Variants in PLEKHA5 observed in about 807,000 individuals in gnomAD.
PLEKHA5 encodes the protein pleckstrin homology domain-containing family A member 5.
In PLEKHA5, 55 loss-of-function variants were observed where a neutral mutation model predicts 181.9. That is an observed-to-expected ratio of 0.30 (90% CI 0.24 to 0.38). The LOEUF (loss-of-function observed/expected upper bound fraction) is 0.38, where lower values mean the gene tolerates loss of function less well. PLEKHA5 is among the 10% of genes least tolerant of loss of function. The pLI, the probability that PLEKHA5 is intolerant of heterozygous loss-of-function variation, is 1.00. For missense variants in PLEKHA5, 1,432 were observed against 1,549.5 expected (o/e 0.92, Z 1.27); for synonymous variants, 535 against 529.4 (o/e 1.01, Z -0.15).
intron 3 of PLEKHA5, among the ~76,000 whole-genome samples, chr12:19,169,795 T>C (rs2045467267): frequency 6.6e-6 from 1 of 152,192 alleles, no homozygotes; most frequent in Admixed American, 6.5e-5. Flanking sequence ...CACAGTCTCT[T>C]GGACTTGGAT....
chr12:19,205,177 G>A (rs907182751), intron 3 of PLEKHA5: 1 of 152,954 alleles, frequency 6.5e-6, no homozygotes, highest in African/African-American at 2.4e-5. Context: ...TATTAAATTT[G>A]CAGCTTTCTC....
intron 21 of PLEKHA5, among the ~76,000 whole-genome samples, chr12:19,339,263 A>G (rs1170277860): frequency 6.6e-6 from 1 of 151,956 alleles, no homozygotes; most frequent in Non-Finnish European, 1.5e-5. Context: ...CTGGTCTTGA[A>G]CACCTGACCT....
At chr12:19,367,765 T>C (rs2095471706) in intron 30 of PLEKHA5, among the ~76,000 whole-genome samples, 1 of 151,500 alleles carries the variant, frequency 6.6e-6, no homozygotes, top group Non-Finnish European at 1.5e-5. Context: ...ATTTTTTTTT[T>C]TTTTAGTAGA....
At chr12:19,333,044 A>G (rs1013262626) in intron 20 of PLEKHA5, among the ~76,000 whole-genome samples, 1 of 152,192 alleles carries the variant, frequency 6.6e-6, no homozygotes, top group Non-Finnish European at 1.5e-5. Flanking sequence ...GATTGAAAGA[A>G]TCCATTCAGG....
intron 31 of PLEKHA5, chr12:19,372,395 G>GTTTTTTTTTTTTT (rs34877323): frequency 1.4e-5 from 2 of 139,224 alleles, no homozygotes; most frequent in Admixed American, 7.3e-5. Flanking sequence ...GGGATTATTT[G>GTTTTTTTTTTTTT]TTTTTGTTTT....
At chr12:19,151,354 G>A (rs943228992) in intron 3 of PLEKHA5, 1 of 152,188 alleles carries the variant, frequency 6.6e-6, no homozygotes, top group African/African-American at 2.4e-5. Flanking sequence ...TAGGGTTAAT[G>A]CCAGGTCAGT....
At chr12:19,143,078 C>T (rs1414460488) in intron 3 of PLEKHA5, among the ~76,000 whole-genome samples, 2 of 152,146 alleles carry the variant, frequency 1.3e-5, no homozygotes, top group Non-Finnish European at 2.9e-5. Context: ...AGTAATGCTG[C>T]AGTGAACATG....
chr12:19,376,341 G>T lies in PLEKHA5; in HGVS notation c.*822G>T, dbSNP rs1341739010. The stretch of plus-strand genomic sequence containing the variant: ...AAAGGCTACTTACTATTGTTTAAAT[G>T]CAAATGTTCATATCTCATTTCTTTT... On this transcript the variant is annotated 3_prime_UTR_variant, in exon 32 of 32. Coordinates refer to ENST00000429027, the MANE Select transcript of PLEKHA5 (RefSeq NM_001256470.2). 1 of 152,486 alleles carries T rather than the reference G, an allele frequency of 6.6e-6. No individual in the cohort carries two copies. Among genetic ancestry groups the T allele is most frequent in the Non-Finnish European group, 1.5e-5 (1 of 68,012 alleles). The allele number at this position is 152,486 out of a possible 1,614,324, so 9.4% of individuals were successfully genotyped here.
At chr12:19,297,348 C>A (rs1174271727) in intron 15 of PLEKHA5, among the ~76,000 whole-genome samples, 2 of 151,428 alleles carry the variant, frequency 1.3e-5, no homozygotes, top group South Asian at 2.1e-4. Context: ...ACAGGCCGGG[C>A]GCGGTGGCTC....
At chr12:19,200,461 T>A in intron 3 of PLEKHA5, 1 of 1,427,200 alleles carries the variant, frequency 7.0e-7, no homozygotes, top group Non-Finnish European at 9.1e-7. Flanking sequence ...CTAAACTGAT[T>A]GTCTTCGTTA....
intron 16 of PLEKHA5, among the ~76,000 whole-genome samples, chr12:19,316,642 C>G (rs2088875627): frequency 2.6e-5 from 4 of 152,148 alleles, no homozygotes; most frequent in Admixed American, 2.0e-4. Flanking sequence ...AGTGTTAACT[C>G]TCAGTGCTGT....
chr12:19,287,154 C>A (rs1376770559), intron 12 of PLEKHA5, among the ~76,000 whole-genome samples: 1 of 152,018 alleles, frequency 6.6e-6, no homozygotes, highest in Non-Finnish European at 1.5e-5. Flanking sequence ...CACGCCACCA[C>A]ACCTGGCTAA....
At chr12:19,310,886 T>TA (rs1264125385) in intron 15 of PLEKHA5, among the ~76,000 whole-genome samples, 2 of 152,144 alleles carry the variant, frequency 1.3e-5, no homozygotes, top group African/African-American at 2.4e-5. Context: ...CCTGTATTGC[T>TA]AAAAAACACT....
intron 6 of PLEKHA5, among the ~76,000 whole-genome samples, chr12:19,259,289 G>A (rs1270209549): frequency 6.6e-6 from 1 of 151,932 alleles, no homozygotes; most frequent in African/African-American, 2.4e-5. Flanking sequence ...GATCACTTGA[G>A]CCCAGGATTT....
chr12:19,250,687 C>T (rs1288333183), intron 3 of PLEKHA5, among the ~76,000 whole-genome samples: 2 of 151,534 alleles, frequency 1.3e-5, no homozygotes, highest in African/African-American at 2.4e-5. Flanking sequence ...TTTTTTTATT[C>T]TCGGTTTTTA....
rs2071942643 is a variant in PLEKHA5 at position 19,269,634 on chromosome 12, T to G, written c.712-136T>G. On this transcript the variant is annotated intron_variant, in intron 8 of 31. Coordinates refer to ENST00000429027, the MANE Select transcript of PLEKHA5 (RefSeq NM_001256470.2). ...TATTTTTTCTTGATTCATTTCCATA[T>G]CTCAGGTAAAAGATAAGTCTACTTT... is the stretch of plus-strand genomic sequence containing the variant. 7.8e-6 allele frequency: 4 copies of G among 515,102 alleles called. No individual in the cohort carries two copies. In the Admixed American group the frequency reaches 1.1e-4, roughly 14 times the overall value. 31.9% of individuals were successfully genotyped at this position (515,102 alleles called of 1,614,324 possible). A position where few individuals can be genotyped will look rare whatever the true frequency, so the allele number is the denominator to read the frequency against.
chr12:19,336,267 A>G (rs972924490), intron 20 of PLEKHA5, among the ~76,000 whole-genome samples: 5 of 152,248 alleles, frequency 3.3e-5, no homozygotes, highest in African/African-American at 7.2e-5. Context: ...ATGAAGACAG[A>G]TAAGAAAATG....
intron 15 of PLEKHA5, among the ~76,000 whole-genome samples, chr12:19,308,469 T>C (rs577592086): frequency 6.6e-6 from 1 of 152,282 alleles, no homozygotes; most frequent in Admixed American, 6.5e-5. Flanking sequence ...GTGTAACCCG[T>C]TTTACTATTG....
At chr12:19,255,256 A>T (rs556592723) in intron 5 of PLEKHA5, 91 bp downstream of exon 5, 1 of 725,894 alleles carries the variant, frequency 1.4e-6, no homozygotes, top group Non-Finnish European at 2.0e-6. Flanking sequence ...TAGAATAATA[A>T]TTACATTTTT....
Sources: allele counts gnomAD v4.1 joint callset (sites outside exome capture counted in the v4.1 genomes callset), GRCh38; gene constraint gnomAD v4.1.1; transcripts MANE v1.5; gene names NCBI Gene and HGNC (gene_info 2026-07-23, HGNC 2026-07-21).